TRHDE: variants seen among roughly 807,000 people sequenced by gnomAD.
The protein encoded by TRHDE is thyrotropin-releasing hormone-degrading ectoenzyme.
TRHDE carries 72 observed loss-of-function variants against 125.7 expected under a neutral mutation model. The observed-to-expected ratio is 0.57, with a 90% CI of 0.47 to 0.70. The LOEUF is 0.70. TRHDE is among the 30% of genes least tolerant of loss of function. The pLI is 0.00. For missense variants in TRHDE, 1,110 were observed against 1,327.1 expected (o/e 0.84, Z 2.54); for synonymous variants, 509 against 509.1 (o/e 1.00, Z 0.00).
chr12:72,642,171 C>G (rs117295066), intron 15 of TRHDE, among the ~76,000 whole-genome samples: 1 of 152,132 alleles, frequency 6.6e-6, no homozygotes, highest in East Asian at 1.9e-4. Flanking sequence ...TTATAAGCCT[C>G]CCAGTATATG....
chr12:72,558,525 T>C (rs1870027879), intron 7 of TRHDE, among the ~76,000 whole-genome samples: 1 of 152,134 alleles, frequency 6.6e-6, no homozygotes, highest in Admixed American at 6.5e-5. Context: ...TTAGGTTATA[T>C]TAAGGAGTTT....
At chr12:72,108,831 C>G (rs1048272406) in intron 2 of TRHDE, among the ~76,000 whole-genome samples, 1 of 151,972 alleles carries the variant, frequency 6.6e-6, no homozygotes, top group Non-Finnish European at 1.5e-5. Context: ...CACAAACACA[C>G]GAATGGTCTT....
chr12:72,519,788 G>A (rs529298278), intron 6 of TRHDE, among the ~76,000 whole-genome samples: 144 of 152,136 alleles, frequency 9.5e-4, no homozygotes, highest in African/African-American at 3.2e-3. Context: ...TCTACTTTTG[G>A]TCTTTGATGA....
chr12:72,418,423 G>GA (rs1385739620), intron 3 of TRHDE, among the ~76,000 whole-genome samples: 2 of 152,088 alleles, frequency 1.3e-5, no homozygotes, highest in African/African-American at 4.8e-5. Context: ...TTCAGGTTCT[G>GA]ATGAAGACAT....
chr12:72,270,673 A>T (rs1879176139), upstream of TRHDE, among the ~76,000 whole-genome samples: 1 of 152,210 alleles, frequency 6.6e-6, no homozygotes, highest in Non-Finnish European at 1.5e-5. Flanking sequence ...TTAACCCAGA[A>T]GCCAATCACA....
At chr12:72,324,489 C>T (rs181586477) in intron 2 of TRHDE, among the ~76,000 whole-genome samples, 9 of 152,070 alleles carry the variant, frequency 5.9e-5, no homozygotes, top group East Asian at 3.9e-4. Flanking sequence ...GATACATGGG[C>T]GAGAAATCAG....
At chr12:72,482,257 T>G (rs1389655995) in intron 5 of TRHDE, among the ~76,000 whole-genome samples, 1 of 151,882 alleles carries the variant, frequency 6.6e-6, no homozygotes, top group Non-Finnish European at 1.5e-5. Flanking sequence ...TAGGAAATTT[T>G]TTTTTATTGG....
chr12:72,154,591 G>T (rs1876458113), intron 2 of TRHDE, among the ~76,000 whole-genome samples: 1 of 152,142 alleles, frequency 6.6e-6, no homozygotes, highest in African/African-American at 2.4e-5. Flanking sequence ...CAGGCCTGGT[G>T]GTGACAAAAT....
chr12:72,112,751 GGAT>G (rs1875349778), intron 2 of TRHDE, among the ~76,000 whole-genome samples: 1 of 152,152 alleles, frequency 6.6e-6, no homozygotes, highest in African/African-American at 2.4e-5. Flanking sequence ...ACTCCTAGAT[GGAT>G]TAAACTTCTA....
intron 2 of TRHDE, among the ~76,000 whole-genome samples, chr12:72,315,657 G>C (rs1482387391): frequency 3.9e-5 from 6 of 152,206 alleles, no homozygotes; most frequent in African/African-American, 9.6e-5. Context: ...AAATGTGGTT[G>C]GCCACAGGAG....
chr12:72,601,878 A>G (rs980310001), intron 12 of TRHDE, among the ~76,000 whole-genome samples: 1 of 152,076 alleles, frequency 6.6e-6, no homozygotes, highest in Non-Finnish European at 1.5e-5. Flanking sequence ...TCTTTCTTAT[A>G]ATACTTGCTT....
chr12:72,240,695 A>G (rs1043036049), intron 2 of TRHDE, among the ~76,000 whole-genome samples: 3 of 151,516 alleles, frequency 2.0e-5, no homozygotes, highest in Non-Finnish European at 4.4e-5. Context: ...TCAGCCTCCC[A>G]AGTAGCTGGG....
At chr12:72,104,180 T>C (rs1204931002) in intron 1 of TRHDE, among the ~76,000 whole-genome samples, 1 of 152,176 alleles carries the variant, frequency 6.6e-6, no homozygotes, top group Non-Finnish European at 1.5e-5. Flanking sequence ...TATTATTTAC[T>C]CTTATATTTC....
Position 72,473,048 on chromosome 12 carries a change from A to G in TRHDE, c.1471-19A>G, listed in dbSNP as rs1876721870. 1 of 1,574,614 alleles carries G rather than the reference A, an allele frequency of 6.4e-7. No individual in the cohort carries two copies. The highest frequency in any genetic ancestry group is 1.3e-5 in the African/African-American group (1 of 74,134). ...ATAGATTTTATTTTATTTGATGACC[A>G]TTAATTTTGTTACTGCAGTGGTTTG... On this transcript the variant is annotated intron_variant, in intron 4 of 18. Coordinates refer to ENST00000261180, the MANE Select transcript of TRHDE (RefSeq NM_013381.3).
At chr12:72,582,510 G>A in intron 12 of TRHDE, 5 of 985,262 alleles carry the variant, frequency 5.1e-6, no homozygotes, top group Non-Finnish European at 6.0e-6. Flanking sequence ...CCTCGTTTAA[G>A]GTTTCTCTTG....
chr12:72,250,066 T>C (rs1878648084), intron 2 of TRHDE, among the ~76,000 whole-genome samples: 4 of 152,192 alleles, frequency 2.6e-5, no homozygotes, highest in African/African-American at 9.6e-5. Context: ...TATTCACTTT[T>C]GCTTTCACTT....
Position 72,636,582 on chromosome 12 carries a change from A to G in TRHDE, c.2675+14831A>G, listed in dbSNP as rs1229870615. The stretch of plus-strand genomic sequence containing the variant: ...AGAGAGGGCATCCCTGTCTTGTGCC[A>G]GTTTTCAAAGGGAATGCTTCCAGTT... On this transcript the variant is annotated intron_variant, in intron 15 of 18. Coordinates refer to ENST00000261180, the MANE Select transcript of TRHDE (RefSeq NM_013381.3). 3.3e-5 allele frequency among the ~76,000 whole-genome samples: 5 copies of G among 151,952 alleles called. No individual in the cohort carries two copies. The South Asian group carries it at 6.3e-4, about 19-fold the overall frequency.
intron 2 of TRHDE, among the ~76,000 whole-genome samples, chr12:72,179,804 T>C (rs1428943919): frequency 1.3e-5 from 2 of 152,156 alleles, no homozygotes; most frequent in Non-Finnish European, 2.9e-5. Context: ...GTATATACAG[T>C]AAGCATTTGT....
Position 72,518,037 on chromosome 12 carries a change from C to T in TRHDE, c.1722+18402C>T, listed in dbSNP as rs1468547012. ...GTTTGTTATAATTTCTGTTCTTTTA[C>T]GTTTGCTGAGGAGAGCTTTACTTCC... On this transcript the variant is annotated intron_variant, in intron 6 of 18. Coordinates refer to ENST00000261180, the MANE Select transcript of TRHDE (RefSeq NM_013381.3). Among the ~76,000 whole-genome samples the T allele has an allele frequency of 3.6e-3, 519 of 145,136 alleles. 9 individuals carry two copies. Among genetic ancestry groups the T allele is most frequent in the African/African-American group, 0.013 (470 of 37,082 alleles).
Sources: gnomAD v4.1 joint callset for allele counts (sites outside exome capture counted in the v4.1 genomes callset) on GRCh38, gnomAD v4.1.1 for gene constraint, MANE v1.5 for transcripts, NCBI Gene and HGNC (gene_info 2026-07-23, HGNC 2026-07-21) for gene names.